The following ADAMTS12 variants were observed in gnomAD, a reference collection of about 807,000 sequenced individuals.
The protein encoded by ADAMTS12 is A disintegrin and metalloproteinase with thrombospondin motifs 12.
ADAMTS12 carries 118 observed loss-of-function variants against 167.8 expected under a neutral mutation model. That is an observed-to-expected ratio of 0.70 (90% CI 0.61 to 0.82). ADAMTS12 has a LOEUF of 0.82. Among genes scored for constraint, ADAMTS12 ranks in the 40% least tolerant of loss-of-function variants. The pLI is 0.00. For missense variants in ADAMTS12, 1,916 were observed against 1,998.8 expected, an observed-to-expected ratio of 0.96 and a Z score of 0.79; for synonymous variants, 704 against 716.9, an observed-to-expected ratio of 0.98 and a Z score of 0.29.
intron 1 of ADAMTS12, among the ~76,000 whole-genome samples, chr5:33,887,285 C>T (rs1448388016): frequency 6.6e-6 from 1 of 152,082 alleles, no homozygotes; most frequent in Non-Finnish European, 1.5e-5. Flanking sequence ...TTAACTGTAT[C>T]CCTCATCTGG....
rs376647059 is a variant in ADAMTS12 at position 33,718,913 on chromosome 5, G to A, written c.634+32491C>T. ...CGGAGATCAAGTCAGTCAGCAAAAC[G>A]CTTATTCTACACTATGTTGTGTTAA... On this transcript the variant is annotated intron_variant, in intron 3 of 23. Coordinates refer to ENST00000504830, the MANE Select transcript of ADAMTS12 (RefSeq NM_030955.4). Among the ~76,000 whole-genome samples, 8 of 152,270 alleles carry A rather than the reference G, an allele frequency of 5.3e-5. No homozygotes were observed. In the East Asian group the frequency reaches 7.7e-4, roughly 15 times the overall value.
chr5:33,600,260 T>C (rs13171234), intron 16 of ADAMTS12, among the ~76,000 whole-genome samples: 76,316 of 151,544 alleles, frequency 0.5, 19,495 homozygotes, highest in South Asian at 0.62. Context: ...GTAAATCTCA[T>C]TGGATACTAG....
chr5:33,690,352 C>G (rs369896866), intron 3 of ADAMTS12, among the ~76,000 whole-genome samples: 2 of 152,168 alleles, frequency 1.3e-5, no homozygotes, highest in African/African-American at 4.8e-5. Context: ...AAACAGCTGC[C>G]TTTAAAGAAA....
intron 2 of ADAMTS12, among the ~76,000 whole-genome samples, chr5:33,776,642 C>T (rs1745919767): frequency 6.6e-6 from 1 of 151,866 alleles, no homozygotes; most frequent in African/African-American, 2.4e-5. Flanking sequence ...AACAACCTAG[C>T]TATATACCTT....
chr5:33,540,504 C>T (rs537997799), intron 22 of ADAMTS12, among the ~76,000 whole-genome samples: 28 of 152,384 alleles, frequency 1.8e-4, no homozygotes, highest in African/African-American at 6.0e-4. Context: ...AGACTGCCTC[C>T]TCAAGTGGGT....
intron 19 of ADAMTS12, among the ~76,000 whole-genome samples, chr5:33,572,660 C>T (rs1346659599): frequency 6.5e-5 from 9 of 139,134 alleles, no homozygotes; most frequent in Non-Finnish European, 9.3e-5. Context: ...TGGGCAAAAA[C>T]TGGAAGCATT....
At chr5:33,632,800 G>A (rs1262980574) in intron 12 of ADAMTS12, among the ~76,000 whole-genome samples, 1 of 152,156 alleles carries the variant, frequency 6.6e-6, no homozygotes, top group Non-Finnish European at 1.5e-5. Flanking sequence ...AATACATAAA[G>A]CAAAAATAGA....
chr5:33,883,327 GTTTT>G (rs79064946), intron 1 of ADAMTS12, among the ~76,000 whole-genome samples: 7 of 111,604 alleles, frequency 6.3e-5, no homozygotes, highest in Admixed American at 1.8e-4. Context: ...TTTTTTTTTT[GTTTT>G]TTTTTTTTTT....
intron 3 of ADAMTS12, among the ~76,000 whole-genome samples, chr5:33,737,023 G>A (rs1222559386): frequency 1.3e-5 from 2 of 152,170 alleles, no homozygotes; most frequent in Non-Finnish European, 1.5e-5. Flanking sequence ...CTGCCAACAT[G>A]TGCACTTCTA....
chr5:33,592,058 TA>T (rs570177114), intron 17 of ADAMTS12, among the ~76,000 whole-genome samples: 13 of 146,708 alleles, frequency 8.9e-5, no homozygotes, highest in Admixed American at 1.4e-4. Flanking sequence ...CCGTCTCTAC[TA>T]AAAAAAAAAG....
intron 9 of ADAMTS12, among the ~76,000 whole-genome samples, chr5:33,645,335 A>C (rs1740623197): frequency 6.6e-6 from 1 of 152,096 alleles, no homozygotes; most frequent in Admixed American, 6.6e-5. Flanking sequence ...GGCTGAGATA[A>C]AAGATGCTTC....
At chr5:33,860,644 A>C (rs566322672) in intron 2 of ADAMTS12, among the ~76,000 whole-genome samples, 1 of 152,324 alleles carries the variant, frequency 6.6e-6, no homozygotes, top group South Asian at 2.1e-4. Context: ...CCAACATTCA[A>C]ATTCAGGAAA....
At chr5:33,669,094 G>A (rs1741579391) in intron 5 of ADAMTS12, among the ~76,000 whole-genome samples, 1 of 151,904 alleles carries the variant, frequency 6.6e-6, no homozygotes, top group African/African-American at 2.4e-5. Flanking sequence ...GAAAAACAAT[G>A]GTCTGAAAGT....
intron 14 of ADAMTS12, among the ~76,000 whole-genome samples, chr5:33,623,829 C>G (rs917540122): frequency 6.6e-6 from 1 of 152,234 alleles, no homozygotes; most frequent in Non-Finnish European, 1.5e-5. Context: ...GTCCTTGTGT[C>G]TGCAGCCTTC....
chr5:33,584,473 G>T (rs1183123227), intron 18 of ADAMTS12, among the ~76,000 whole-genome samples: 1 of 152,080 alleles, frequency 6.6e-6, no homozygotes, highest in Non-Finnish European at 1.5e-5. Flanking sequence ...CTGAGCTCAA[G>T]GAGAGGATAG....
At chr5:33,686,936 TAGAG>T (rs1554035094) in intron 3 of ADAMTS12, among the ~76,000 whole-genome samples, 2 of 145,634 alleles carry the variant, frequency 1.4e-5, no homozygotes, top group African/African-American at 2.6e-5. Context: ...TATATATATA[TAGAG>T]AGAGAGAGAG....
chr5:33,649,402 G>T, intron 8 of ADAMTS12, 152 bp downstream of exon 8: 2 of 946,436 alleles, frequency 2.1e-6, no homozygotes, highest in Non-Finnish European at 3.1e-6. Flanking sequence ...GAATGCAGAA[G>T]TGAAATCCGC....
chr5:33,812,009 G>A (rs1049613937), intron 2 of ADAMTS12, among the ~76,000 whole-genome samples: 12 of 152,214 alleles, frequency 7.9e-5, no homozygotes, highest in Admixed American at 7.2e-4. Flanking sequence ...TCAGCAGCTT[G>A]GTGTGGTGTC....
intron 5 of ADAMTS12, among the ~76,000 whole-genome samples, chr5:33,682,254 G>T (rs1468277340): frequency 6.6e-6 from 1 of 152,168 alleles, no homozygotes; most frequent in African/African-American, 2.4e-5. Flanking sequence ...AGTACTGTTG[G>T]GTAAGGTGGT....
Sources: allele counts gnomAD v4.1 joint callset (sites outside exome capture counted in the v4.1 genomes callset), GRCh38; gene constraint gnomAD v4.1.1; transcripts MANE v1.5; gene names NCBI Gene and HGNC (gene_info 2026-07-23, HGNC 2026-07-21).